The following ANKS1B variants were observed in gnomAD, a reference collection of about 807,000 sequenced individuals.
ANKS1B encodes the protein ankyrin repeat and sterile alpha motif domain-containing protein 1B.
Under a neutral mutation model 148.3 loss-of-function variants are expected in ANKS1B, and 36 were observed. That is an observed-to-expected ratio of 0.24 (90% CI 0.19 to 0.32). The LOEUF is 0.32. Among genes scored for constraint, ANKS1B ranks in the 10% least tolerant of loss-of-function variants. The probability of loss-of-function intolerance (pLI) is 1.00; values close to 1 mark genes in which losing one functional copy is unlikely to be tolerated. For synonymous variants in ANKS1B, 542 were observed against 560.8 expected, an observed-to-expected ratio of 0.97 and a Z score of 0.47; for missense variants, 1,157 against 1,542.6, an observed-to-expected ratio of 0.75 and a Z score of 4.19.
At chr12:99,972,746 A>G (rs57934227) in intron 1 of ANKS1B, among the ~76,000 whole-genome samples, 3,301 of 152,338 alleles carry the variant, frequency 0.022, 124 homozygotes, top group African/African-American at 0.075. Flanking sequence ...ACAAAATTTC[A>G]GTGTAGATGA....
chr12:99,841,572 G>T (rs921583189), intron 1 of ANKS1B, among the ~76,000 whole-genome samples: 14 of 151,934 alleles, frequency 9.2e-5, no homozygotes, highest in African/African-American at 3.4e-4. Context: ...CATAGAAATT[G>T]ATTATGTTAA....
At chr12:99,820,000 A>C (rs1475573456) in intron 2 of ANKS1B, among the ~76,000 whole-genome samples, 2 of 151,812 alleles carry the variant, frequency 1.3e-5, no homozygotes. Context: ...TTTGCAGTAG[A>C]AATACATGTG....
chr12:99,631,936 C>T lies in ANKS1B; in HGVS notation c.1272+23131G>A, dbSNP rs550541413. 4.6e-5 allele frequency among the ~76,000 whole-genome samples: 7 copies of T among 152,250 alleles called. No homozygotes were observed. In the East Asian group the frequency reaches 1.4e-3, roughly 29 times the overall value. On this transcript the variant is annotated intron_variant, in intron 9 of 26. Coordinates refer to ENST00000683438, the MANE Select transcript of ANKS1B (RefSeq NM_001352186.2). ...ACCACTTGCAAAAGAGATTACTACA[C>T]ACAAAAGGGAGCCAGGTGCTATTCC... is the stretch of plus-strand genomic sequence containing the variant.
intron 9 of ANKS1B, among the ~76,000 whole-genome samples, chr12:99,566,740 A>G (rs1597224294): frequency 6.6e-6 from 1 of 152,134 alleles, no homozygotes; most frequent in South Asian, 2.1e-4. Context: ...GCCTCACTAG[A>G]TGACGGCACC....
At chr12:99,445,477 C>T (rs933937169) in intron 10 of ANKS1B, among the ~76,000 whole-genome samples, 2 of 151,800 alleles carry the variant, frequency 1.3e-5, no homozygotes, top group African/African-American at 2.4e-5. Context: ...ATGTATAAAT[C>T]GAGAATGAAC....
At chr12:99,562,473 T>C (rs147524367) in intron 9 of ANKS1B, among the ~76,000 whole-genome samples, 209 of 152,298 alleles carry the variant, frequency 1.4e-3, no homozygotes, top group Non-Finnish European at 1.7e-3. Flanking sequence ...GAAAATCTGT[T>C]GTTAATGTGG....
At chr12:99,449,129 T>C (rs148451968) in intron 10 of ANKS1B, among the ~76,000 whole-genome samples, 16 of 152,260 alleles carry the variant, frequency 1.1e-4, no homozygotes, top group African/African-American at 3.8e-4. Flanking sequence ...GTATATGATG[T>C]CAGTAGTTTG....
intron 5 of ANKS1B, 73 bp downstream of exon 5, chr12:99,781,948 AT>A: frequency 1.5e-6 from 2 of 1,314,296 alleles, no homozygotes; most frequent in Non-Finnish European, 1.1e-6. Flanking sequence ...AAACTGTGTC[AT>A]TTTCCTTTGT....
At chr12:99,706,357 T>A (rs2015963781) in intron 8 of ANKS1B, 1 of 151,968 alleles carries the variant, frequency 6.6e-6, no homozygotes, top group Non-Finnish European at 1.5e-5. Flanking sequence ...AAATAATATA[T>A]AAATATTTGA....
intron 1 of ANKS1B, among the ~76,000 whole-genome samples, chr12:99,938,639 C>T (rs1603471434): frequency 6.6e-6 from 1 of 152,172 alleles, no homozygotes; most frequent in East Asian, 1.9e-4. Flanking sequence ...AATCCCCAGC[C>T]CACATGCTAG....
chr12:99,564,294 A>C (rs180865379), intron 9 of ANKS1B, among the ~76,000 whole-genome samples: 40 of 152,240 alleles, frequency 2.6e-4, no homozygotes, highest in Admixed American at 2.6e-3. Context: ...CAGGTATATA[A>C]TTTTTAATAT....
chr12:99,820,364 G>C (rs1259574914), intron 2 of ANKS1B, among the ~76,000 whole-genome samples: 9 of 152,018 alleles, frequency 5.9e-5, no homozygotes, highest in Non-Finnish European at 4.4e-5. Context: ...CAGTATGAAG[G>C]CTTTAGATTT....
At chr12:99,417,270 C>T (rs12305663) in intron 11 of ANKS1B, among the ~76,000 whole-genome samples, 23,808 of 152,136 alleles carry the variant, frequency 0.16, 2,232 homozygotes, top group African/African-American at 0.26. Context: ...CAACTTGTGG[C>T]CTGTGTATGT....
At chr12:99,392,785 G>A (rs890155821) in intron 12 of ANKS1B, among the ~76,000 whole-genome samples, 1 of 151,970 alleles carries the variant, frequency 6.6e-6, no homozygotes, top group Non-Finnish European at 1.5e-5. Context: ...TTTTAAAACG[G>A]ATACTCTTTA....
chr12:99,414,739 T>C (rs1404746860), intron 11 of ANKS1B, among the ~76,000 whole-genome samples: 1 of 152,134 alleles, frequency 6.6e-6, no homozygotes, highest in African/African-American at 2.4e-5. Context: ...GTAAATGATG[T>C]GTTGATGGGT....
chr12:99,390,098 G>C (rs2094006702), intron 12 of ANKS1B, among the ~76,000 whole-genome samples: 2 of 152,150 alleles, frequency 1.3e-5, no homozygotes, highest in Non-Finnish European at 2.9e-5. Flanking sequence ...TCTGCTTGTT[G>C]CCTAGATCTT....
intron 8 of ANKS1B, among the ~76,000 whole-genome samples, chr12:99,679,998 T>C (rs537330729): frequency 1.1e-4 from 17 of 152,248 alleles, no homozygotes; most frequent in African/African-American, 3.4e-4. Context: ...TGTGAGACAG[T>C]TGAAAAAATG....
intron 9 of ANKS1B, among the ~76,000 whole-genome samples, chr12:99,542,536 C>CT (rs1486735489): frequency 6.6e-6 from 1 of 151,794 alleles, no homozygotes; most frequent in Non-Finnish European, 1.5e-5. Context: ...ATCCGTGGTG[C>CT]TTTTTTTCAC....
At chr12:99,468,605 C>A (rs1435100500) in intron 10 of ANKS1B, among the ~76,000 whole-genome samples, 1 of 152,108 alleles carries the variant, frequency 6.6e-6, no homozygotes, top group Non-Finnish European at 1.5e-5. Context: ...ACAAAACAAA[C>A]AACCCCATCA....
Sources: allele counts gnomAD v4.1 joint callset (sites outside exome capture counted in the v4.1 genomes callset), GRCh38; gene constraint gnomAD v4.1.1; transcripts MANE v1.5; gene names NCBI Gene and HGNC (gene_info 2026-07-23, HGNC 2026-07-21).